DDX46: variants seen among roughly 807,000 people sequenced by gnomAD.
DDX46 encodes the protein probable ATP-dependent RNA helicase DDX46.
DDX46 carries 30 observed loss-of-function variants against 134.9 expected under a neutral mutation model. That is an observed-to-expected ratio of 0.22 (90% confidence interval 0.17 to 0.30). The LOEUF is 0.30. DDX46 is among the 10% of genes least tolerant of loss of function. The pLI, the probability that DDX46 is intolerant of heterozygous loss-of-function variation, is 1.00. For synonymous variants in DDX46, 415 were observed against 404.1 expected, an observed-to-expected ratio of 1.03 and a Z score of -0.32; for missense variants, 622 against 1,248.7, an observed-to-expected ratio of 0.50 and a Z score of 7.56.
rs1182963741 is a variant in DDX46 at position 134,829,356 on chromosome 5, T to G, written c.*650T>G. 1 of 152,214 alleles carries G rather than the reference T, an allele frequency of 6.6e-6. No homozygotes were observed. The highest frequency in any genetic ancestry group is 1.5e-5 in the Non-Finnish European group (1 of 68,040). The allele number at this position is 152,214 out of a possible 1,614,324, so 9.4% of individuals were successfully genotyped here. A position where few individuals can be genotyped will look rare whatever the true frequency, so the allele number is the denominator to read the frequency against. Reference sequence around the variant, plus strand: ...AAAACTCTACAAAGAGTTATAGTATTTACTACTTTGAGGTTTCCCTCACAA... The same window carrying G: ...AAAACTCTACAAAGAGTTATAGTATGTACTACTTTGAGGTTTCCCTCACAA... On this transcript the variant is annotated 3_prime_UTR_variant, in exon 23 of 23. Coordinates refer to ENST00000452510, the MANE Select transcript of DDX46 (RefSeq NM_001300860.2).
At chr5:134,827,095 C>A in intron 22 of DDX46, 75 bp downstream of exon 22, 2 of 1,403,232 alleles carry the variant, frequency 1.4e-6, no homozygotes, top group South Asian at 1.3e-5. Flanking sequence ...CAGAGAAGTA[C>A]TCAAATCATA....
At position 134,771,695 on chromosome 5, in the gene DDX46, CTG is replaced by C. The variant is rs200355691; in HGVS notation, c.447+698_447+699del. On this transcript the variant is annotated intron_variant, in intron 4 of 22. Coordinates refer to ENST00000452510, the MANE Select transcript of DDX46 (RefSeq NM_001300860.2). ...CCAGCCTGGGTGACAGAGCAAGACT[CTG>C]TCTCAAAAATCAAAACAAACTTGTT... is the stretch of plus-strand genomic sequence containing the variant. 9.0e-3 allele frequency among the ~76,000 whole-genome samples: 1,361 copies of C among 151,824 alleles called. 14 individuals are homozygous for C. The highest frequency in any genetic ancestry group is 0.03 in the African/African-American group (1,262 of 41,464).
At chr5:134,815,491 G>A (rs1213597916) in intron 18 of DDX46, among the ~76,000 whole-genome samples, 2 of 151,884 alleles carry the variant, frequency 1.3e-5, no homozygotes, top group Admixed American at 6.6e-5. Flanking sequence ...GGCGGATCAC[G>A]AGGTCAGGAG....
At chr5:134,824,823 G>C (rs1239804576) in intron 21 of DDX46, among the ~76,000 whole-genome samples, 3 of 152,162 alleles carry the variant, frequency 2.0e-5, no homozygotes, top group Non-Finnish European at 4.4e-5. Flanking sequence ...CCACTGCCTG[G>C]CTGGCTCCTT....
At chr5:134,771,563 G>A (rs925972166) in intron 4 of DDX46, among the ~76,000 whole-genome samples, 9 of 150,694 alleles carry the variant, frequency 6.0e-5, no homozygotes, top group South Asian at 2.1e-4. Context: ...TTAGCTAGGC[G>A]TGGTGGCAGG....
chr5:134,780,484 A>G (rs1754112203), intron 6 of DDX46, among the ~76,000 whole-genome samples: 1 of 150,110 alleles, frequency 6.7e-6, no homozygotes, highest in Non-Finnish European at 1.5e-5. Flanking sequence ...GAATTGCTTG[A>G]ATCCAGGAGG....
chr5:134,783,157 T>TAA (rs1364378120), intron 9 of DDX46, 92 bp downstream of exon 9: 3 of 1,476,204 alleles, frequency 2.0e-6, no homozygotes, highest in Non-Finnish European at 2.7e-6. Context: ...ATTTTTACTC[T>TAA]AAAAAAACCC....
intron 15 of DDX46, chr5:134,804,770 T>G (rs951404144): frequency 4.6e-5 from 15 of 327,222 alleles, no homozygotes; most frequent in Non-Finnish European, 8.5e-5. Flanking sequence ...AAAAATAATT[T>G]TTAAAATTTA....
At chr5:134,771,450 T>A (rs1408887510) in intron 4 of DDX46, among the ~76,000 whole-genome samples, 1 of 135,162 alleles carries the variant, frequency 7.4e-6, no homozygotes, top group African/African-American at 2.7e-5. Context: ...CCCAGCACTT[T>A]GGGAGGCCGA....
chr5:134,766,679 C>A (rs1753577452), intron 2 of DDX46, among the ~76,000 whole-genome samples: 1 of 152,156 alleles, frequency 6.6e-6, no homozygotes, highest in African/African-American at 2.4e-5. Flanking sequence ...TGCAATTGTG[C>A]CACTGCACTC....
chr5:134,799,973 A>C (rs1285807592), intron 15 of DDX46, among the ~76,000 whole-genome samples: 1 of 152,038 alleles, frequency 6.6e-6, no homozygotes, highest in Admixed American at 6.6e-5. Flanking sequence ...TTTTAGATGG[A>C]ATGTCGCTCT....
At chr5:134,810,613 G>A (rs1293737958) in intron 16 of DDX46, among the ~76,000 whole-genome samples, 1 of 151,622 alleles carries the variant, frequency 6.6e-6, no homozygotes, top group Non-Finnish European at 1.5e-5. Flanking sequence ...CAAAGTGCTG[G>A]GATTACAGGC....
chr5:134,793,607 G>A (rs1754571806), intron 13 of DDX46, among the ~76,000 whole-genome samples: 2 of 152,090 alleles, frequency 1.3e-5, no homozygotes, highest in Admixed American at 1.3e-4. Flanking sequence ...GTTTCACCAT[G>A]TTGGCTGGAC....
At position 134,786,276 on chromosome 5, in the gene DDX46, A is replaced by C. The variant is rs142985231; in HGVS notation, c.1464+690A>C. Reference sequence around the variant, plus strand: ...CATGTTGTACACCTTAAATATATATAATTTTTGTTAATTATGACCCAATAT... The same window carrying C: ...CATGTTGTACACCTTAAATATATATCATTTTTGTTAATTATGACCCAATAT... On this transcript the variant is annotated intron_variant, in intron 11 of 22. Transcript: ENST00000452510. Among the ~76,000 whole-genome samples the C allele has an allele frequency of 2.0e-4, 31 of 152,274 alleles. No homozygotes were observed. In the East Asian group the frequency reaches 6.0e-3, roughly 29 times the overall value.
Position 134,767,046 on chromosome 5 carries a change from G to T in DDX46, c.336G>T (p.Lys112Asn). ...CCTCCAGTCCTGGAAATAAAAGCAA[G>T]AAAACTGAGAATAGGTAATGTTATC... ...SRSSSPGNKS[K>N]KTENRSRSKE... Residue 112 changes from lysine to asparagine, a missense_variant, in exon 3 of 23, where the codon AAG (lysine) becomes AAT (asparagine). Coordinates refer to ENST00000452510, the MANE Select transcript of DDX46 (RefSeq NM_001300860.2). 1 of 1,613,298 alleles carries T rather than the reference G, an allele frequency of 6.2e-7. No homozygotes were observed. The highest frequency in any genetic ancestry group is 8.5e-7 in the Non-Finnish European group (1 of 1,179,734).
rs771951690 is a variant in DDX46, at chr5:134,811,371, C to T, written c.2286+13C>T. The T allele has an allele frequency of 5.6e-6, 9 of 1,612,848 alleles. No homozygotes were observed. In the South Asian group the frequency reaches 9.9e-5, roughly 18 times the overall value. ...TCAGCAGAAAGCTGTGAGTTTTTAA[C>T]CCATGTTACTCTTCTAGAAATCATT... On this transcript the variant is annotated intron_variant, in intron 17 of 22. Coordinates refer to ENST00000452510, the MANE Select transcript of DDX46 (RefSeq NM_001300860.2).
chr5:134,830,648 A>G lies in DDX46; in HGVS notation c.*1942A>G, dbSNP rs1366420902. On this transcript the variant is annotated 3_prime_UTR_variant, in exon 23 of 23. Coordinates refer to ENST00000452510, the MANE Select transcript of DDX46 (RefSeq NM_001300860.2). ...TGAAAAAGTAAGATATACCTGGGAAATATTCTTGGATCCTTCACACATCCA... is the reference window on the plus strand; with the variant it reads ...TGAAAAAGTAAGATATACCTGGGAAGTATTCTTGGATCCTTCACACATCCA... The G allele has an allele frequency of 1.3e-5, 2 of 152,762 alleles. No individual in the cohort carries two copies. The highest frequency in any genetic ancestry group is 3.9e-4 in the East Asian group (2 of 5,190). The allele number at this position is 152,762 out of a possible 1,614,324, so 9.5% of individuals were successfully genotyped here. A position where few individuals can be genotyped will look rare whatever the true frequency, so the allele number is the denominator to read the frequency against.
intron 3 of DDX46, among the ~76,000 whole-genome samples, chr5:134,768,324 A>G (rs1753646273): frequency 6.6e-6 from 1 of 151,486 alleles, no homozygotes; most frequent in African/African-American, 2.4e-5. Context: ...GTTAGCCAGA[A>G]TGGTCTCGAT....
At chr5:134,760,321 G>A (rs1310492132) in intron 1 of DDX46, among the ~76,000 whole-genome samples, 2 of 152,194 alleles carry the variant, frequency 1.3e-5, no homozygotes, top group Admixed American at 1.3e-4. Context: ...AATCATGAAA[G>A]GCTTAGAGGT....
Sources: allele counts gnomAD v4.1 joint callset (sites outside exome capture counted in the v4.1 genomes callset), GRCh38; gene constraint gnomAD v4.1.1; transcripts MANE v1.5; gene names NCBI Gene and HGNC (gene_info 2026-07-23, HGNC 2026-07-21).